The following CPLANE1 variants were observed in gnomAD, a reference collection of about 807,000 sequenced individuals.
The protein encoded by CPLANE1 is ciliogenesis and planar polarity effector complex subunit 1, also known as ciliogenesis and planar polarity effector 1.
In CPLANE1, 263 loss-of-function variants were observed where a neutral mutation model predicts 362.5. That is an observed-to-expected ratio of 0.73 (90% CI 0.66 to 0.80). The LOEUF is 0.80. Ranked by LOEUF, CPLANE1 falls within the 30% of genes least tolerant of loss-of-function variation. The pLI is 0.00. For synonymous variants in CPLANE1, 1,212 were observed against 1,302.6 expected (o/e 0.93, Z 1.50); for missense variants, 3,461 against 3,793.4 (o/e 0.91, Z 2.30).
intron 42 of CPLANE1, among the ~76,000 whole-genome samples, chr5:37,153,070 C>A (rs986868955): frequency 6.6e-6 from 1 of 152,042 alleles, no homozygotes; most frequent in Non-Finnish European, 1.5e-5. Flanking sequence ...AAATCACATT[C>A]TAGTTTTGTA....
chr5:37,170,784 A>C (rs1390514274), intron 32 of CPLANE1, among the ~76,000 whole-genome samples: 1 of 152,094 alleles, frequency 6.6e-6, no homozygotes, highest in African/African-American at 2.4e-5. Flanking sequence ...AAAAATACAA[A>C]AATTAGCTGG....
intron 29 of CPLANE1, among the ~76,000 whole-genome samples, chr5:37,178,645 C>T (rs1196033640): frequency 1.3e-5 from 2 of 150,708 alleles, no homozygotes; most frequent in East Asian, 3.9e-4. Flanking sequence ...AGAATTGTTA[C>T]AATAATTGGA....
At chr5:37,210,997 A>T in intron 16 of CPLANE1, 1 of 790,612 alleles carries the variant, frequency 1.3e-6, no homozygotes. Flanking sequence ...TTAAAATCGC[A>T]ATTGAAGCAA....
chr5:37,090,800 G>A, the CPLANE1 span, among the ~76,000 whole-genome samples: 1 of 152,148 alleles, frequency 6.6e-6, no homozygotes, highest in African/African-American at 2.4e-5. Context: ...AAATGACTTG[G>A]CTTACACTGT....
chr5:37,151,584 C>G (rs1206370162), intron 42 of CPLANE1, among the ~76,000 whole-genome samples: 1 of 152,114 alleles, frequency 6.6e-6, no homozygotes, highest in East Asian at 1.9e-4. Context: ...GTGAGCAAGC[C>G]AGGATCAAGA....
At chr5:37,212,427 C>T (rs896402556) in intron 16 of CPLANE1, 35 of 728,848 alleles carry the variant, frequency 4.8e-5, no homozygotes, top group Non-Finnish European at 8.0e-5. Flanking sequence ...TGAGAAATTA[C>T]ATAACATTTA....
chr5:37,128,550 A>C (rs1310771970), intron 46 of CPLANE1, among the ~76,000 whole-genome samples: 1 of 152,172 alleles, frequency 6.6e-6, no homozygotes, highest in Non-Finnish European at 1.5e-5. Context: ...AAAATGACCA[A>C]TGCAATTCCT....
chr5:37,092,888 A>G, the CPLANE1 span, among the ~76,000 whole-genome samples: 1 of 152,280 alleles, frequency 6.6e-6, no homozygotes, highest in South Asian at 2.1e-4. Context: ...TTTCACCCCA[A>G]AACTCCACAT....
intron 21 of CPLANE1, among the ~76,000 whole-genome samples, chr5:37,191,054 G>T (rs1050128586): frequency 6.6e-6 from 1 of 152,142 alleles, no homozygotes; most frequent in African/African-American, 2.4e-5. Flanking sequence ...TGTTATAAGA[G>T]AAGACATCTC....
At chr5:37,091,685 A>G in the CPLANE1 span, among the ~76,000 whole-genome samples, 1 of 152,222 alleles carries the variant, frequency 6.6e-6, no homozygotes, top group Admixed American at 6.5e-5. Context: ...GTTTTATGGA[A>G]AGATGTAAAC....
At chr5:37,083,744 T>C in the CPLANE1 span, among the ~76,000 whole-genome samples, 1 of 152,074 alleles carries the variant, frequency 6.6e-6, no homozygotes, top group South Asian at 2.1e-4. Flanking sequence ...AAATAAGAAA[T>C]GTGAACAAAG....
In CPLANE1 at chr5:37,179,424, A is replaced by G; in HGVS notation, c.5757T>C (p.Val1919=). Reference sequence around the variant, plus strand: ...CAAGACTGGGACTTCTGAAACCTCCAACAGATTCTTCAATGTCTTCTAGCG... The same window carrying G: ...CAAGACTGGGACTTCTGAAACCTCCGACAGATTCTTCAATGTCTTCTAGCG... ...SDYEEDIEES[V]GGFRSPSLAI... is the part of the protein sequence containing the mutation. The change falls in exon 29 of 53, where the codon GTT becomes GTC. Residue 1919 remains valine, a synonymous_variant. Coordinates refer to ENST00000651892, the MANE Select transcript of CPLANE1 (RefSeq NM_001384732.1). The G allele has an allele frequency of 6.2e-7, 1 of 1,612,898 alleles. No homozygotes were observed. Among genetic ancestry groups the G allele is most frequent in the South Asian group, 1.1e-5 (1 of 90,874 alleles).
At chr5:37,236,722 G>GAA (rs1799076364) in intron 8 of CPLANE1, among the ~76,000 whole-genome samples, 1 of 115,882 alleles carries the variant, frequency 8.6e-6, no homozygotes. Flanking sequence ...AACTCAACAA[G>GAA]CAAAAAAAAA....
At chr5:37,165,746 G>C in intron 35 of CPLANE1, 75 bp from the exon 36 acceptor site, 1 of 1,349,860 alleles carries the variant, frequency 7.4e-7, no homozygotes, top group Non-Finnish European at 1.0e-6. Context: ...ATGCTATATA[G>C]GGATACAGTT....
chr5:37,178,242 A>T (rs1301123170), intron 29 of CPLANE1, among the ~76,000 whole-genome samples: 1 of 151,906 alleles, frequency 6.6e-6, no homozygotes, highest in Admixed American at 6.6e-5. Context: ...CAGTTAGCCA[A>T]GATCACACCA....
At chr5:37,138,390 G>C (rs1768481678) in intron 46 of CPLANE1, 1 of 328,556 alleles carries the variant, frequency 3.0e-6, no homozygotes, top group East Asian at 7.3e-5. Flanking sequence ...TTGCATGATA[G>C]ATCAGAAAGC....
At chr5:37,172,971 G>C (rs1020117081) in intron 32 of CPLANE1, among the ~76,000 whole-genome samples, 2 of 152,096 alleles carry the variant, frequency 1.3e-5, no homozygotes, top group Non-Finnish European at 2.9e-5. Flanking sequence ...GCAACAGAGT[G>C]AGACTCCGTC....
intron 38 of CPLANE1, among the ~76,000 whole-genome samples, chr5:37,159,501 C>A (rs1238147672): frequency 6.6e-6 from 1 of 152,202 alleles, no homozygotes; most frequent in Non-Finnish European, 1.5e-5. Context: ...GGTGTTTTAA[C>A]ATCTAAATTT....
chr5:37,191,486 C>T lies in CPLANE1; in HGVS notation c.3812-3644G>A, dbSNP rs111727758. On this transcript the variant is annotated intron_variant, in intron 21 of 52. Coordinates refer to ENST00000651892, the MANE Select transcript of CPLANE1 (RefSeq NM_001384732.1). ...AGGAGGCCAAGATCAGCCTGGGCAA[C>T]GTGGTGAAACCCCGTCTCTACTAAA... Among the ~76,000 whole-genome samples, 1,118 of 152,178 alleles carry T rather than the reference C, an allele frequency of 7.3e-3. 19 individuals carry two copies. The highest frequency in any genetic ancestry group is 0.025 in the African/African-American group (1,046 of 41,516).
Sources: gnomAD v4.1 joint callset for allele counts (sites outside exome capture counted in the v4.1 genomes callset) on GRCh38, gnomAD v4.1.1 for gene constraint, MANE v1.5 for transcripts, NCBI Gene and HGNC (gene_info 2026-07-23, HGNC 2026-07-21) for gene names.